NFIX: variants seen among roughly 807,000 people sequenced by gnomAD.
NFIX encodes nuclear factor I X.
A neutral mutation model predicts 53.3 loss-of-function variants in NFIX; 2 were observed. The observed-to-expected ratio is 0.04, with a 90% CI of 0.02 to 0.12. The LOEUF (loss-of-function observed/expected upper bound fraction) is 0.12. NFIX is among the 10% of genes least tolerant of loss of function. The probability of loss-of-function intolerance (pLI) is 1.00; values close to 1 mark genes in which losing one functional copy is unlikely to be tolerated. For synonymous variants in NFIX, 244 were observed against 289.0 expected (o/e 0.84, Z 1.58); for missense variants, 310 against 674.5 (o/e 0.46, Z 5.99).
intron 1 of NFIX, chr19:13,024,756 G>T: frequency 6.6e-7 from 1 of 1,523,092 alleles, no homozygotes; most frequent in Non-Finnish European, 8.8e-7. Flanking sequence ...GAATAGGTGT[G>T]TGTAGAGGCT....
chr19:13,018,359 T>G, intron 1 of NFIX, among the ~76,000 whole-genome samples: 1 of 118,834 alleles, frequency 8.4e-6, no homozygotes, highest in African/African-American at 3.2e-5. Flanking sequence ...GGGCGCGGTT[T>G]ACAGGAGAGA....
Position 13,073,874 on chromosome 19 carries a change from T to G in NFIX, c.698-32T>G. 6.2e-7 allele frequency: 1 copy of G among 1,613,744 alleles called. No homozygotes were observed. Among genetic ancestry groups the G allele is most frequent in the South Asian group, 1.1e-5 (1 of 91,056 alleles). ...AGACCCCATCAGGCCTCCCCCCACC[T>G]CCAAACCTCATCACCCTCTCGTTCT... On this transcript the variant is annotated intron_variant, in intron 4 of 10. Transcript: ENST00000592199. The surrounding 1 kb of genome is among the most constrained non-coding windows in gnomAD (Gnocchi z 4.5).
rs185692550 is a variant in NFIX at position 13,024,520 on chromosome 19, G to A, written c.28-501G>A. The A allele has an allele frequency of 4.6e-6, 7 of 1,515,084 alleles. No individual in the cohort carries two copies. The East Asian group carries it at 9.9e-5, about 21-fold the overall frequency. 93.9% of individuals were successfully genotyped at this position (1,515,084 alleles called of 1,614,324 possible). A position where few individuals can be genotyped will look rare whatever the true frequency, so the allele number is the denominator to read the frequency against. Reference sequence around the variant, plus strand: ...TCTTGGGGGCGGCCAAAAATCGACCGGTGTCGGGGACCAGAGGCGGCCCCG... The same window carrying A: ...TCTTGGGGGCGGCCAAAAATCGACCAGTGTCGGGGACCAGAGGCGGCCCCG... On this transcript the variant is annotated intron_variant, in intron 1 of 10. Coordinates refer to ENST00000592199, the MANE Select transcript of NFIX (RefSeq NM_001365902.3).
rs530808184 is a variant in NFIX at position 12,997,486 on chromosome 19, G to A, written c.27+1622G>A. On this transcript the variant is annotated intron_variant, in intron 1 of 10. Transcript: ENST00000592199. ...CAGGCACCCTGAGCACCATGGCAGT[G>A]TGGGGAACCCCCACATCTGCACCTC... Among the ~76,000 whole-genome samples, 3 of 152,336 alleles carry A rather than the reference G, an allele frequency of 2.0e-5. No homozygotes were observed. In the South Asian group the frequency reaches 6.2e-4, roughly 32 times the overall value.
At position 13,090,089 on chromosome 19, in the gene NFIX, G is replaced by A. The variant is rs369417696; in HGVS notation, c.1403-210G>A. Among the ~76,000 whole-genome samples, 6 of 152,192 alleles carry A rather than the reference G, an allele frequency of 3.9e-5. No individual in the cohort carries two copies. The highest frequency in any genetic ancestry group is 1.2e-4 in the African/African-American group (5 of 41,448). ...TAGTGTGTGTTCCTGGTCAGTGAGA[G>A]GATGAGGGTGTCCCTCTGTAGTGGG... On this transcript the variant is annotated intron_variant, in intron 9 of 10. Coordinates refer to ENST00000592199, the MANE Select transcript of NFIX (RefSeq NM_001365902.3). The surrounding 1 kb of genome is among the most constrained non-coding windows in gnomAD (Gnocchi z 6.6).
intron 2 of NFIX, among the ~76,000 whole-genome samples, chr19:13,034,790 A>T (rs1360219617): frequency 3.3e-5 from 5 of 152,136 alleles, no homozygotes; most frequent in Admixed American, 2.0e-4. Context: ...AAACTCTCCT[A>T]GCATGACTAA....
In NFIX at chr19:13,023,070, T is replaced by TTCTCTCTCTCTCTCTCTCTCTCTC. The variant is rs3840930; in HGVS notation, c.28-1947_28-1924dup. On this transcript the variant is annotated intron_variant, in intron 1 of 10. Transcript: ENST00000592199. ...CAAATAGGTGGATCCTTCTCTCTCT[T>TTCTCTCTCTCTCTCTCTCTCTCTC]TCTCTCTCTCTCTCTCTCTCTCTCT... Among the ~76,000 whole-genome samples, 122 of 138,110 alleles carry TTCTCTCTCTCTCTCTCTCTCTCTC rather than the reference T, an allele frequency of 8.8e-4. 1 individual carries two copies. Among genetic ancestry groups the TTCTCTCTCTCTCTCTCTCTCTCTC allele is most frequent in the African/African-American group, 2.7e-3 (90 of 33,788 alleles). 90.6% of individuals were successfully genotyped at this position (138,110 alleles called of 152,430 possible).
chr19:12,997,808 T>C (rs4926172), intron 1 of NFIX, among the ~76,000 whole-genome samples: 84,941 of 152,140 alleles, frequency 0.56, 23,903 homozygotes, highest in East Asian at 0.67. Context: ...GCCGGTGACA[T>C]GGCTAGGAAG....
chr19:13,085,189 C>A (rs1419732768), intron 8 of NFIX, among the ~76,000 whole-genome samples: 2 of 152,106 alleles, frequency 1.3e-5, no homozygotes, highest in Non-Finnish European at 2.9e-5. Context: ...TTTAAAACCT[C>A]AACTGTACCC....
chr19:13,080,812 AACACG>A (rs2017412201), intron 7 of NFIX, among the ~76,000 whole-genome samples: 1 of 151,856 alleles, frequency 6.6e-6, no homozygotes, highest in Admixed American at 6.6e-5. Flanking sequence ...CATTCTGGCT[AACACG>A]GTGAAACCCT....
chr19:13,017,773 G>A (rs948541290), intron 1 of NFIX, among the ~76,000 whole-genome samples: 4 of 152,194 alleles, frequency 2.6e-5, no homozygotes, highest in African/African-American at 7.2e-5. Flanking sequence ...TCATCTTCAC[G>A]CGCTGGTCTC....
rs576576294 is a variant in NFIX at position 13,061,010 on chromosome 19, C to CT, written c.560-12037_560-12036insT. Among the ~76,000 whole-genome samples the CT allele has an allele frequency of 9.9e-4, 151 of 152,176 alleles. 1 individual carries two copies. Among genetic ancestry groups the CT allele is most frequent in the Middle Eastern group, 6.8e-3 (2 of 292 alleles). On this transcript the variant is annotated intron_variant, in intron 2 of 10. Coordinates refer to ENST00000592199, the MANE Select transcript of NFIX (RefSeq NM_001365902.3). The stretch of plus-strand genomic sequence containing the variant: ...TTCAAGTGTTTACCAATTGCAGAGA[C>CT]AAGTCTGCACTGCCAAAAGGTGAGG...
At chr19:13,075,407 C>A in intron 5 of NFIX, 128 bp from the exon 6 acceptor site, 2 of 1,022,626 alleles carry the variant, frequency 2.0e-6, no homozygotes. Flanking sequence ...CCCAGAAATG[C>A]TGCTGTCGGC....
At chr19:13,061,965 G>C (rs1183309140) in intron 2 of NFIX, among the ~76,000 whole-genome samples, 1 of 152,070 alleles carries the variant, frequency 6.6e-6, no homozygotes, top group Non-Finnish European at 1.5e-5. Flanking sequence ...GCAGCACTCG[G>C]TGCCGTCCTA....
chr19:13,000,759 G>A lies in NFIX; in HGVS notation c.27+4895G>A, dbSNP rs73925243. Among the ~76,000 whole-genome samples, 561 of 152,312 alleles carry A rather than the reference G, an allele frequency of 3.7e-3. 6 individuals are homozygous for A. Among genetic ancestry groups the A allele is most frequent in the African/African-American group, 0.013 (537 of 41,562 alleles). ...GAACTTTCTGTGTCTGCACCTGGGCGTTGTCACCTGGACCCGCCATGGAGA... is the reference window on the plus strand; with the variant it reads ...GAACTTTCTGTGTCTGCACCTGGGCATTGTCACCTGGACCCGCCATGGAGA... On this transcript the variant is annotated intron_variant, in intron 1 of 10. Transcript: ENST00000592199.
Position 13,043,643 on chromosome 19 carries a change from A to G in NFIX, c.559+18091A>G, listed in dbSNP as rs1387919014. 2.0e-5 allele frequency among the ~76,000 whole-genome samples: 3 copies of G among 152,048 alleles called. No individual in the cohort carries two copies. The highest frequency in any genetic ancestry group is 7.3e-5 in the African/African-American group (3 of 41,368). On this transcript the variant is annotated intron_variant, in intron 2 of 10. Coordinates refer to ENST00000592199, the MANE Select transcript of NFIX (RefSeq NM_001365902.3). This position sits in a 1 kb window ranked among gnomAD's most constrained non-coding sequence, Gnocchi z 4.0. ...CTGTGGACTTTGACATCACTCATAG[A>G]CACCCCCTCTCTCACCCTTGCATCC...
At chr19:13,015,735 G>T (rs999571311) in intron 1 of NFIX, among the ~76,000 whole-genome samples, 16 of 151,996 alleles carry the variant, frequency 1.1e-4, no homozygotes. Context: ...TGCTAAACCC[G>T]CTGCACAGTT....
Position 13,073,503 on chromosome 19 carries a change from G to A in NFIX, c.697+7G>A. The A allele has an allele frequency of 6.2e-7, 1 of 1,612,836 alleles. No individual in the cohort carries two copies. The highest frequency in any genetic ancestry group is 8.5e-7 in the Non-Finnish European group (1 of 1,178,864). ...CTGGTGAGAGTATCACAGAGTAAGT[G>A]AGTCCTTCCTTCCAGGCCAGGGATG... On this transcript the variant is annotated splice_region_variant and intron_variant, in intron 4 of 10. Coordinates refer to ENST00000592199, the MANE Select transcript of NFIX (RefSeq NM_001365902.3). The surrounding 1 kb of genome is among the most constrained non-coding windows in gnomAD (Gnocchi z 4.5).
rs898028343 is a variant in NFIX at position 13,092,117 on chromosome 19, G to A, written c.1494+1727G>A. 3.9e-5 allele frequency among the ~76,000 whole-genome samples: 6 copies of A among 152,290 alleles called. No individual in the cohort carries two copies. The South Asian group carries it at 1.2e-3, about 32-fold the overall frequency. ...TGGGGGCAGGCAGGCGGCTGCAACG[G>A]GCGGGCGCAGGGGGTACAGCCGGGG... On this transcript the variant is annotated intron_variant, in intron 10 of 10. Coordinates refer to ENST00000592199, the MANE Select transcript of NFIX (RefSeq NM_001365902.3).
Sources: gnomAD v4.1 joint callset for allele counts (sites outside exome capture counted in the v4.1 genomes callset) on GRCh38, gnomAD v4.1.1 for gene constraint, Gnocchi (gnomAD v3.1) non-coding constraint, MANE v1.5 for transcripts, NCBI Gene and HGNC (gene_info 2026-07-23, HGNC 2026-07-21) for gene names.